The following SLC47A2 variants were observed in gnomAD, a reference collection of about 807,000 sequenced individuals.
SLC47A2 encodes multidrug and toxin extrusion protein 2.
A neutral mutation model predicts 67.7 loss-of-function variants in SLC47A2; 52 were observed. The observed-to-expected ratio is 0.77, with a 90% CI of 0.61 to 0.97. SLC47A2 has a LOEUF of 0.97. Ranked by LOEUF, SLC47A2 falls within the 50% of genes least tolerant of loss-of-function variation. The pLI is 0.00. For missense variants in SLC47A2, 676 were observed against 712.3 expected, an observed-to-expected ratio of 0.95 and a Z score of 0.58; for synonymous variants, 278 against 292.9, an observed-to-expected ratio of 0.95 and a Z score of 0.52.
At chr17:19,707,674 C>G (rs1284926936) in intron 8 of SLC47A2, 72 bp downstream of exon 8, 2 of 1,364,434 alleles carry the variant, frequency 1.5e-6, no homozygotes, top group Non-Finnish European at 2.0e-6. Flanking sequence ...GCCTGCTGAC[C>G]ACCCTGCCCC....
chr17:19,718,697 A>C (rs2086310251), upstream of SLC47A2: 1 of 152,154 alleles, frequency 6.6e-6, no homozygotes, highest in Admixed American at 6.5e-5. Context: ...GACCCTGGGG[A>C]GGAGCAAGGG....
chr17:19,682,484 C>G (rs1303416710), intron 13 of SLC47A2, among the ~76,000 whole-genome samples: 1 of 152,218 alleles, frequency 6.6e-6, no homozygotes, highest in Non-Finnish European at 1.5e-5. Context: ...TCTGCTTTTT[C>G]TAGCTTCTAG....
chr17:19,690,287 C>T (rs2085512003), intron 13 of SLC47A2, among the ~76,000 whole-genome samples: 1 of 152,174 alleles, frequency 6.6e-6, no homozygotes, highest in Non-Finnish European at 1.5e-5. Flanking sequence ...GGACTAAAGA[C>T]TTGAACTGAA....
chr17:19,704,547 C>G, intron 10 of SLC47A2: 1 of 1,192,198 alleles, frequency 8.4e-7, no homozygotes, highest in Non-Finnish European at 1.1e-6. Flanking sequence ...GATATTTCAG[C>G]AGAAACCACT....
At chr17:19,703,546 G>A (rs551052931) in intron 11 of SLC47A2, among the ~76,000 whole-genome samples, 4 of 152,246 alleles carry the variant, frequency 2.6e-5, no homozygotes, top group Admixed American at 1.3e-4. Flanking sequence ...TCCAGCGCAG[G>A]CTACAGCCTA....
chr17:19,713,542 C>T (rs2086161493), intron 4 of SLC47A2, among the ~76,000 whole-genome samples: 1 of 152,238 alleles, frequency 6.6e-6, no homozygotes, highest in Non-Finnish European at 1.5e-5. Flanking sequence ...TGTGTCCGGG[C>T]ACACAAATGC....
chr17:19,716,935 T>C (rs1465488711), upstream of SLC47A2: 12 of 193,258 alleles, frequency 6.2e-5, no homozygotes, highest in Non-Finnish European at 1.2e-4. Flanking sequence ...GCTGAGCCAC[T>C]GGGCGTCCTG....
At chr17:19,716,848 CAGG>C (rs1254722987), upstream of SLC47A2, 2 of 380,716 alleles carry the variant, frequency 5.3e-6, no homozygotes, top group East Asian at 4.8e-5. Context: ...AAGGCCTCAG[CAGG>C]AGAAGGTCCA....
At chr17:19,683,967 CA>C (rs1276180774) in intron 13 of SLC47A2, among the ~76,000 whole-genome samples, 8 of 152,220 alleles carry the variant, frequency 5.3e-5, no homozygotes, top group Non-Finnish European at 1.0e-4. Flanking sequence ...GTCACAGAAT[CA>C]GTCTAAGCAA....
At chr17:19,702,039 G>A in intron 13 of SLC47A2, 1 of 740,358 alleles carries the variant, frequency 1.4e-6, no homozygotes, top group Non-Finnish European at 1.6e-6. Flanking sequence ...AGCTCAGGAG[G>A]TTGAGGCTGC....
chr17:19,714,532 C>G, intron 3 of SLC47A2, 189 bp downstream of exon 3: 2 of 684,582 alleles, frequency 2.9e-6, no homozygotes, highest in East Asian at 2.5e-5. Flanking sequence ...GGCCCAGACT[C>G]TTTCAAAGGG....
intron 13 of SLC47A2, among the ~76,000 whole-genome samples, chr17:19,682,441 G>T (rs1229502811): frequency 2.0e-5 from 3 of 152,116 alleles, no homozygotes; most frequent in South Asian, 4.2e-4. Context: ...TCAAGAGCTT[G>T]TTCCTTCTGA....
upstream of SLC47A2, chr17:19,718,115 T>C (rs2086301677): frequency 1.3e-5 from 2 of 152,324 alleles, no homozygotes; most frequent in African/African-American, 4.8e-5. Flanking sequence ...GCCTACCTCT[T>C]CCAAAAGGGC....
intron 13 of SLC47A2, among the ~76,000 whole-genome samples, chr17:19,682,368 TTTA>T (rs1309126245): frequency 3.5e-5 from 4 of 113,212 alleles, no homozygotes; most frequent in Non-Finnish European, 7.5e-5. Flanking sequence ...CACACACAAA[TTTA>T]TTATTTTATT....
At chr17:19,702,907 A>G (rs534574146) in intron 12 of SLC47A2, among the ~76,000 whole-genome samples, 185 bp downstream of exon 12, 1 of 152,276 alleles carries the variant, frequency 6.6e-6, no homozygotes, top group South Asian at 2.1e-4. Flanking sequence ...CCTCTTGTCT[A>G]TGGACAGGCA....
rs2086263510 is a variant in SLC47A2, at chr17:19,716,296, A to G, written c.123+137T>C. ...TCAGGAGCCATCCTGCTGTCCCCAG[A>G]CTCTGGACCTGGCAGTCAACATGGG... On this transcript the variant is annotated intron_variant, in intron 1 of 16. Transcript: ENST00000433844. 2.2e-6 allele frequency: 3 copies of G among 1,347,150 alleles called. No individual in the cohort carries two copies. In the African/African-American group the frequency reaches 4.4e-5, roughly 20 times the overall value. 83.4% of individuals were successfully genotyped at this position (1,347,150 alleles called of 1,614,324 possible). A position where few individuals can be genotyped will look rare whatever the true frequency, so the allele number is the denominator to read the frequency against.
At chr17:19,693,934 G>A (rs1453002010) in intron 13 of SLC47A2, among the ~76,000 whole-genome samples, 1 of 151,938 alleles carries the variant, frequency 6.6e-6, no homozygotes, top group Non-Finnish European at 1.5e-5. Context: ...ATTAGAACAA[G>A]GTCACAGGAT....
At chr17:19,706,898 T>A in intron 8 of SLC47A2, 137 bp from the exon 9 acceptor site, 2 of 624,210 alleles carry the variant, frequency 3.2e-6, no homozygotes, top group Non-Finnish European at 5.5e-6. Flanking sequence ...CTGGGCATTT[T>A]GCAGAGGGAA....
chr17:19,693,594 A>C (rs1162205286), intron 13 of SLC47A2, among the ~76,000 whole-genome samples: 1 of 148,690 alleles, frequency 6.7e-6, no homozygotes, highest in Admixed American at 7.0e-5. Context: ...CCAATGGTGA[A>C]ACCCCGTCTC....
Sources: allele counts gnomAD v4.1 joint callset (sites outside exome capture counted in the v4.1 genomes callset), GRCh38; gene constraint gnomAD v4.1.1; transcripts MANE v1.5; gene names NCBI Gene and HGNC (gene_info 2026-07-23, HGNC 2026-07-21).